Variants in AXIN2 observed in about 807,000 individuals in gnomAD.
AXIN2 encodes the protein axin-2.
A neutral mutation model predicts 74.7 loss-of-function variants in AXIN2; 21 were observed. That is an observed-to-expected ratio of 0.28 (90% confidence interval 0.20 to 0.40). The LOEUF (loss-of-function observed/expected upper bound fraction) is 0.40. Among genes scored for constraint, AXIN2 ranks in the 10% least tolerant of loss-of-function variants. The probability of loss-of-function intolerance (pLI) is 1.00; values close to 1 mark genes in which losing one functional copy is unlikely to be tolerated. For missense variants in AXIN2, 1,144 were observed against 1,111.1 expected (o/e 1.03, Z -0.42); for synonymous variants, 532 against 454.9 (o/e 1.17, Z -2.16).
intron 7 of AXIN2, 116 bp from the exon 8 acceptor site, chr17:65,536,669 A>C (rs2043926511): frequency 7.0e-7 from 1 of 1,426,020 alleles, no homozygotes; most frequent in East Asian, 2.3e-5. Context: ...GTTAAAAAAA[A>C]AACTACCATA....
intron 10 of AXIN2, among the ~76,000 whole-genome samples, chr17:65,531,432 C>T (rs960112485): frequency 2.0e-5 from 3 of 151,318 alleles, no homozygotes; most frequent in Admixed American, 6.6e-5. Flanking sequence ...CTCGGGGGAG[C>T]GTGAGAGGAG....
chr17:65,531,538 CACCCTCCGTCAG>C (rs2043817695), intron 10 of AXIN2, among the ~76,000 whole-genome samples: 1 of 152,050 alleles, frequency 6.6e-6, no homozygotes, highest in Non-Finnish European at 1.5e-5. Context: ...ATCCCAACGC[CACCCTCCGTCAG>C]ACCCCTTTGG....
intron 4 of AXIN2, among the ~76,000 whole-genome samples, chr17:65,540,050 T>C (rs1220439279): frequency 6.6e-6 from 1 of 152,216 alleles, no homozygotes; most frequent in African/African-American, 2.4e-5. Context: ...CCGCATTTGA[T>C]AGGCACAGAC....
In AXIN2 at chr17:65,530,388, A is replaced by T. The variant is rs533095549; in HGVS notation, c.2406-286T>A. Among the ~76,000 whole-genome samples, 40 of 152,232 alleles carry T rather than the reference A, an allele frequency of 2.6e-4. No individual in the cohort carries two copies. The South Asian group carries it at 8.1e-3, about 31-fold the overall frequency. ...GCACCTCTGCTGTCTCCTGACACGT[A>T]TACACTGTGAAAAGCAGAGCTGCTT... On this transcript the variant is annotated intron_variant, in intron 10 of 10. Transcript: ENST00000307078.
chr17:65,536,835 C>G (rs775016393), intron 7 of AXIN2, 34 bp downstream of exon 7: 1 of 1,612,038 alleles, frequency 6.2e-7, no homozygotes, highest in Non-Finnish European at 8.5e-7. Context: ...TGCCCATGAC[C>G]CTCGCGGCCG....
chr17:65,532,027 T>C (rs781540039), intron 10 of AXIN2, among the ~76,000 whole-genome samples: 4 of 152,160 alleles, frequency 2.6e-5, no homozygotes, highest in Non-Finnish European at 4.4e-5. Context: ...GTCCCTGTCC[T>C]ACCCCAGGAG....
In AXIN2 at chr17:65,528,865, T is replaced by C. The variant is rs2043770511; in HGVS notation, c.*1111A>G. On this transcript the variant is annotated 3_prime_UTR_variant, in exon 11 of 11. Coordinates refer to ENST00000307078, the MANE Select transcript of AXIN2 (RefSeq NM_004655.4). Reference sequence around the variant, plus strand: ...ATTTAAAGTCAAGCACTAGAGATAGTGGATTAATACTCTTTTGCCGTACAC... The same window carrying C: ...ATTTAAAGTCAAGCACTAGAGATAGCGGATTAATACTCTTTTGCCGTACAC... The C allele has an allele frequency of 2.5e-6, 1 of 405,658 alleles. No homozygotes were observed. Among genetic ancestry groups the C allele is most frequent in the South Asian group, 2.7e-5 (1 of 37,472 alleles). 25.1% of individuals were successfully genotyped at this position (405,658 alleles called of 1,614,324 possible).
At chr17:65,538,023 C>A in intron 5 of AXIN2, 180 bp downstream of exon 5, 1 of 1,345,996 alleles carries the variant, frequency 7.4e-7, no homozygotes, top group Non-Finnish European at 1.0e-6. Context: ...CACACCCACA[C>A]GCAACCCATG....
Position 65,561,578 on chromosome 17 carries a change from A to C in AXIN2, c.-245T>G, listed in dbSNP as rs943135174. 2.0e-5 allele frequency: 3 copies of C among 151,206 alleles called. No individual in the cohort carries two copies. The highest frequency in any genetic ancestry group is 7.3e-5 in the African/African-American group (3 of 41,144). The allele number at this position is 151,206 out of a possible 1,614,324, so 9.4% of individuals were successfully genotyped here. A position where few individuals can be genotyped will look rare whatever the true frequency, so the allele number is the denominator to read the frequency against. ...AGTTGCCAGGACCTTATCAAAGCGC[A>C]GCCGGCTCCAGCCGACTCCCCCGGG... On this transcript the variant is annotated 5_prime_UTR_variant, in exon 1 of 11. Transcript: ENST00000307078.
rs62640025 is a variant in AXIN2 at position 65,558,153 on chromosome 17, G to A, written c.468C>T (p.Tyr156=). The A allele has an allele frequency of 1.5e-5, 25 of 1,614,032 alleles. No homozygotes were observed. The highest frequency in any genetic ancestry group is 2.0e-5 in the Non-Finnish European group (24 of 1,180,040). Residue 156 remains tyrosine, a synonymous_variant, in exon 2 of 11, where the codon TAC becomes TAT. Coordinates refer to ENST00000307078, the MANE Select transcript of AXIN2 (RefSeq NM_004655.4). ...GCTGCTTCTTGATGCCATCTCTTATGTAGGTCTTGGTGGCAGGCTTCAGCT... is the reference window on the plus strand; with the variant it reads ...GCTGCTTCTTGATGCCATCTCTTATATAGGTCTTGGTGGCAGGCTTCAGCT... ...SKQLKPATKT[Y]IRDGIKKQQI...
At chr17:65,534,652 G>T (rs919962042) in intron 9 of AXIN2, among the ~76,000 whole-genome samples, 3 of 152,212 alleles carry the variant, frequency 2.0e-5, no homozygotes, top group East Asian at 1.9e-4. Context: ...TGCTAGGCCG[G>T]GCGTGGTGGC....
chr17:65,538,610 C>T lies in AXIN2; in HGVS notation c.1060-267G>A, dbSNP rs553779064. On this transcript the variant is annotated intron_variant, in intron 4 of 10. Coordinates refer to ENST00000307078, the MANE Select transcript of AXIN2 (RefSeq NM_004655.4). ...CCTGCTTGTTCTTTCTGTAGTACAA[C>T]CAGCCCATCAGTAGTTACTTTGAAG... Among the ~76,000 whole-genome samples the T allele has an allele frequency of 2.4e-5, 3 of 125,376 alleles. No individual in the cohort carries two copies. In the South Asian group the frequency reaches 8.2e-4, roughly 34 times the overall value. The allele number at this position is 125,376 out of a possible 152,430, so 82.3% of individuals were successfully genotyped here.
At chr17:65,548,705 C>T (rs959419561) in intron 3 of AXIN2, among the ~76,000 whole-genome samples, 5 of 152,208 alleles carry the variant, frequency 3.3e-5, no homozygotes, top group African/African-American at 9.6e-5. Context: ...CTACACATCC[C>T]TCCTCATGAG....
chr17:65,558,749 G>A lies in AXIN2; in HGVS notation c.-116-13C>T, dbSNP rs1460068986. On this transcript the variant is annotated splice_polypyrimidine_tract_variant and intron_variant, in intron 1 of 10. Coordinates refer to ENST00000307078, the MANE Select transcript of AXIN2 (RefSeq NM_004655.4). ...CTGAACCTCCTCTCTGGAAAGAAAA[G>A]GAAGGGGGGAGGTGGGGAGAGAGAA... The A allele has an allele frequency of 3.2e-6, 3 of 949,348 alleles. No individual in the cohort carries two copies. The highest frequency in any genetic ancestry group is 3.2e-6 in the Non-Finnish European group (2 of 617,344). The allele number at this position is 949,348 out of a possible 1,614,324, so 58.8% of individuals were successfully genotyped here. A position where few individuals can be genotyped will look rare whatever the true frequency, so the allele number is the denominator to read the frequency against.
At position 65,536,947 on chromosome 17, in the gene AXIN2, C is replaced by G. The variant is rs376248072; in HGVS notation, c.1829G>C (p.Arg610Pro). Reference sequence around the variant, plus strand: ...ATCCTGCGACCTGTCTCCTTCCTCCCGGGGAAGCTGCAGGGCCCCAGCTCC... The same window carrying G: ...ATCCTGCGACCTGTCTCCTTCCTCCGGGGGAAGCTGCAGGGCCCCAGCTCC... ...PGGAGALQLP[R>P]EEGDRSQDVW... The change falls in exon 7 of 11, where the codon CGG becomes CCG. Residue 610 changes from arginine to proline, a missense_variant. Arg to Pro is a moderately radical substitution (Grantham distance 103). Around this residue, in one of 4 missense-constraint regions of AXIN2, gnomAD observed 1,053 missense variants for 973.5 expected, o/e 1.08. Transcript: ENST00000307078. The G allele has an allele frequency of 1.9e-6, 3 of 1,613,538 alleles. No individual in the cohort carries two copies. The highest frequency in any genetic ancestry group is 1.1e-5 in the South Asian group (1 of 91,070).
rs183322520 is a variant in AXIN2, at chr17:65,550,247, A to G, written c.816-587T>C. Among the ~76,000 whole-genome samples the G allele has an allele frequency of 5.9e-5, 9 of 151,834 alleles. No homozygotes were observed. In the East Asian group the frequency reaches 1.7e-3, roughly 29 times the overall value. Reference sequence around the variant, plus strand: ...AGAAAAGTTCAAGACAACGTTCAGGACTCCAATCCCACCTGTGAGCTCTGC... The same window carrying G: ...AGAAAAGTTCAAGACAACGTTCAGGGCTCCAATCCCACCTGTGAGCTCTGC... On this transcript the variant is annotated intron_variant, in intron 2 of 10. Transcript: ENST00000307078.
At chr17:65,554,915 C>CGTGTGTGTGTCTGTGT in intron 2 of AXIN2, among the ~76,000 whole-genome samples, 1 of 152,314 alleles carries the variant, frequency 6.6e-6, no homozygotes, top group East Asian at 1.9e-4. Context: ...CGACACTGTG[C>CGTGTGTGTGTCTGTGT]GTGTGTGTGT....
intron 4 of AXIN2, 27 bp downstream of exon 4, chr17:65,541,428 T>C (rs766499116): frequency 6.3e-7 from 1 of 1,581,662 alleles, no homozygotes; most frequent in African/African-American, 1.3e-5. Flanking sequence ...AGAAAACAGC[T>C]GTCTCCTCAC....
chr17:65,544,068 T>G (rs1416128831), intron 3 of AXIN2, among the ~76,000 whole-genome samples: 1 of 152,052 alleles, frequency 6.6e-6, no homozygotes, highest in African/African-American at 2.4e-5. Flanking sequence ...TTCCTGACAG[T>G]CTTGGGGGCA....
Sources: allele counts gnomAD v4.1 joint callset (sites outside exome capture counted in the v4.1 genomes callset), GRCh38; gene constraint gnomAD v4.1.1; regional missense constraint gnomAD v4.1.1; transcripts MANE v1.5; gene names NCBI Gene and HGNC (gene_info 2026-07-23, HGNC 2026-07-21).